The following MED24 variants were observed in gnomAD, a reference collection of about 807,000 sequenced individuals.
MED24 encodes mediator of RNA polymerase II transcription subunit 24.
MED24 carries 74 observed loss-of-function variants against 118.8 expected under a neutral mutation model. That is an observed-to-expected ratio of 0.62 (90% confidence interval 0.52 to 0.76). MED24 has a LOEUF of 0.76. MED24 is among the 30% of genes least tolerant of loss of function. The probability of loss-of-function intolerance (pLI) is 0.00; values close to 1 mark genes in which losing one functional copy is unlikely to be tolerated. For synonymous variants in MED24, 521 were observed against 523.9 expected (o/e 0.99, Z 0.08); for missense variants, 1,041 against 1,278.9 (o/e 0.81, Z 2.84).
chr17:40,053,344 G>C lies in MED24; in HGVS notation c.167C>G (p.Pro56Arg). The C allele has an allele frequency of 6.2e-7, 1 of 1,612,998 alleles. No individual in the cohort carries two copies. The highest frequency in any genetic ancestry group is 8.5e-7 in the Non-Finnish European group (1 of 1,179,294). Residue 56 changes from proline (P) to arginine (R), a missense_variant, in exon 3 of 26, where the codon CCC becomes CGC. Pro to Arg is a moderately radical substitution (Grantham distance 103). This residue lies in a region of MED24 where 434 missense variants were observed against 514.9 expected (regional missense o/e 0.84). Coordinates refer to ENST00000394128, the MANE Select transcript of MED24 (RefSeq NM_014815.4). ...CAGGTAGGACAAGATGAGAGGATTG[G>C]GGGATGGTCCAATCATGGCCTGCTC... is the stretch of plus-strand genomic sequence containing the variant. The part of the protein sequence containing the change: ...LLEQAMIGPS[P>R]NPLILSYLKY...
chr17:40,044,239 G>T (rs1299016145), intron 3 of MED24, among the ~76,000 whole-genome samples: 1 of 151,828 alleles, frequency 6.6e-6, no homozygotes, highest in Non-Finnish European at 1.5e-5. Flanking sequence ...AAATACATAG[G>T]CCGGGCGCAG....
At position 40,033,278 on chromosome 17, in the gene MED24, C is replaced by A. The variant is rs1014439637; in HGVS notation, c.671+67G>T. On this transcript the variant is annotated intron_variant, in intron 7 of 25. Transcript: ENST00000394128. This position sits in a 1 kb window ranked among gnomAD's most constrained non-coding sequence, Gnocchi z 5.2. ...GAAGGCGGAGAGGATGGCACGGGTG[C>A]CACATCTTCCTACCCCAGGGCGTGT... 25 of 1,611,530 alleles carry A rather than the reference C, an allele frequency of 1.6e-5. No homozygotes were observed. Among genetic ancestry groups the A allele is most frequent in the Non-Finnish European group, 2.1e-5 (25 of 1,179,206 alleles).
intron 6 of MED24, chr17:40,034,851 G>GC (rs571183730): frequency 2.8e-4 from 165 of 588,844 alleles, no homozygotes; most frequent in Middle Eastern, 2.1e-3. Flanking sequence ...TCCTTTGGTA[G>GC]CCCCCCACCC....
intron 3 of MED24, among the ~76,000 whole-genome samples, chr17:40,046,013 A>G (rs1276316251): frequency 1.7e-4 from 25 of 145,620 alleles, no homozygotes; most frequent in East Asian, 1.1e-3. Context: ...TCCTGACCTC[A>G]TGATCCACCC....
At chr17:40,030,668 T>TTA (rs72103985) in intron 12 of MED24, among the ~76,000 whole-genome samples, 34,628 of 150,690 alleles carry the variant, frequency 0.23, 4,084 homozygotes, top group South Asian at 0.27. Context: ...ATTTATTTAT[T>TTA]TTTTTTTTGA....
chr17:40,029,740 A>G lies in MED24; in HGVS notation c.1266+8T>C. ...AAGACTGTGGTGGCCAGGGAAGGGC[A>G]CACTCACCTTGAGGATGTTTGTGAC... On this transcript the variant is annotated splice_region_variant and intron_variant, in intron 13 of 25. Transcript: ENST00000394128. 2 of 1,612,750 alleles carry G rather than the reference A, an allele frequency of 1.2e-6. No homozygotes were observed. Among genetic ancestry groups the G allele is most frequent in the Non-Finnish European group, 1.7e-6 (2 of 1,178,736 alleles).
At position 40,042,309 on chromosome 17, in the gene MED24, G is replaced by T. The variant is rs1467100798; in HGVS notation, c.214-6155C>A. On this transcript the variant is annotated intron_variant, in intron 3 of 25. Coordinates refer to ENST00000394128, the MANE Select transcript of MED24 (RefSeq NM_014815.4). ...AGCCAAAAAAATTTTGAAAAATAAAGAAACTAAGTGAAGATTTGTCCACCA... is the reference window on the plus strand; with the variant it reads ...AGCCAAAAAAATTTTGAAAAATAAATAAACTAAGTGAAGATTTGTCCACCA... Among the ~76,000 whole-genome samples, 6 of 152,120 alleles carry T rather than the reference G, an allele frequency of 3.9e-5. No homozygotes were observed. In the East Asian group the frequency reaches 1.2e-3, roughly 29 times the overall value.
intron 3 of MED24, among the ~76,000 whole-genome samples, chr17:40,046,087 A>ATTTTTT (rs1203333557): frequency 8.1e-6 from 1 of 123,822 alleles, no homozygotes; most frequent in Non-Finnish European, 1.7e-5. Flanking sequence ...TCTAAAAAAA[A>ATTTTTT]TTTTTTTTTT....
intron 3 of MED24, among the ~76,000 whole-genome samples, chr17:40,047,875 G>A (rs768033004): frequency 4.7e-4 from 72 of 151,900 alleles, no homozygotes; most frequent in Admixed American, 2.4e-3. Context: ...GATTACAGAC[G>A]CCCACCACCA....
At chr17:40,034,667 G>A (rs974331020) in intron 6 of MED24, among the ~76,000 whole-genome samples, 1 of 152,198 alleles carries the variant, frequency 6.6e-6, no homozygotes, top group Non-Finnish European at 1.5e-5. Flanking sequence ...GGGCATTTTA[G>A]GTAACATTCA....
rs1362223067 is a variant in MED24 at position 40,020,371 on chromosome 17, T to C, written c.2624-18A>G. ...TCGGTCTGCTGTGGGACGGAGCAGA[T>C]GGAGCGCTGGGAAACAGCCTGCCGA... is the stretch of plus-strand genomic sequence containing the variant. On this transcript the variant is annotated intron_variant, in intron 23 of 25. Coordinates refer to ENST00000394128, the MANE Select transcript of MED24 (RefSeq NM_014815.4). 3 of 1,582,414 alleles carry C rather than the reference T, an allele frequency of 1.9e-6. No individual in the cohort carries two copies. In the African/African-American group the frequency reaches 4.0e-5, roughly 21 times the overall value.
At chr17:40,029,347 C>T (rs1239338423) in intron 13 of MED24, among the ~76,000 whole-genome samples, 2 of 152,168 alleles carry the variant, frequency 1.3e-5, no homozygotes, top group Non-Finnish European at 2.9e-5. Context: ...TACAGGCATG[C>T]ACCACCACAC....
intron 3 of MED24, among the ~76,000 whole-genome samples, chr17:40,044,153 C>CAA (rs58516715): frequency 9.7e-6 from 1 of 102,708 alleles, no homozygotes; most frequent in South Asian, 3.2e-4. Flanking sequence ...AAAGCCGTAA[C>CAA]AAAAAAAAAA....
At chr17:40,020,596 T>C in intron 23 of MED24, 2 of 739,502 alleles carry the variant, frequency 2.7e-6, no homozygotes, top group Admixed American at 2.4e-5. Context: ...GAGACCAGCC[T>C]TGGCAACTAG....
intron 3 of MED24, among the ~76,000 whole-genome samples, chr17:40,043,989 C>A (rs138542194): frequency 2.0e-5 from 3 of 150,268 alleles, no homozygotes; most frequent in Admixed American, 6.6e-5. Flanking sequence ...ATTAGCCGGG[C>A]GTGGTGGCAC....
At chr17:40,020,875 C>T (rs1205190074) in intron 23 of MED24, among the ~76,000 whole-genome samples, 1 of 152,070 alleles carries the variant, frequency 6.6e-6, no homozygotes, top group East Asian at 1.9e-4. Context: ...GAGTTCGAGA[C>T]CAGCCTGACC....
In MED24 at chr17:40,035,668, C is replaced by G. The variant is rs886769033; in HGVS notation, c.326+54G>C. 3.8e-6 allele frequency: 6 copies of G among 1,581,262 alleles called. No homozygotes were observed. The African/African-American group carries it at 8.1e-5, about 21-fold the overall frequency. ...CTGTGTGCTAGGAGCTGCACCTCTG[C>G]ACAAAGACAAGGCTGGAACATTGTA... is the stretch of plus-strand genomic sequence containing the variant. On this transcript the variant is annotated intron_variant, in intron 5 of 25. Coordinates refer to ENST00000394128, the MANE Select transcript of MED24 (RefSeq NM_014815.4).
At position 40,019,950 on chromosome 17, in the gene MED24, G is replaced by A. The variant is rs1251704336; in HGVS notation, c.2705-17C>T. On this transcript the variant is annotated splice_polypyrimidine_tract_variant and intron_variant, in intron 24 of 25. Coordinates refer to ENST00000394128, the MANE Select transcript of MED24 (RefSeq NM_014815.4). ...ACAGGTTGGCTGTAGAGAGTGGGGG[G>A]AGAGTGACAGGAGGGAGTTCCATGA... 2.6e-6 allele frequency: 4 copies of A among 1,557,946 alleles called. No individual in the cohort carries two copies. Among genetic ancestry groups the A allele is most frequent in the Non-Finnish European group, 3.5e-6 (4 of 1,150,660 alleles).
chr17:40,034,850 A>AGGGGGGGGGGGGGGGGGGG, intron 6 of MED24: 1 of 379,388 alleles, frequency 2.6e-6, no homozygotes, highest in Non-Finnish European at 5.2e-6. Flanking sequence ...CTCCTTTGGT[A>AGGGGGGGGGGGGGGGGGGG]GCCCCCCACC....
Sources: allele counts gnomAD v4.1 joint callset (sites outside exome capture counted in the v4.1 genomes callset), GRCh38; gene constraint gnomAD v4.1.1; regional missense constraint gnomAD v4.1.1; non-coding constraint Gnocchi (gnomAD v3.1); transcripts MANE v1.5; gene names NCBI Gene and HGNC (gene_info 2026-07-23, HGNC 2026-07-21).